MAPK8: variants seen among roughly 807,000 people sequenced by gnomAD.
The protein encoded by MAPK8 is mitogen-activated protein kinase 8.
A neutral mutation model predicts 52.9 loss-of-function variants in MAPK8; 13 were observed. The ratio of observed to expected loss-of-function variants is 0.25; its 90% confidence interval spans 0.16 to 0.39. MAPK8 has a LOEUF of 0.39. Among genes scored for constraint, MAPK8 ranks in the 10% least tolerant of loss-of-function variants. MAPK8 has a pLI of 1.00. For synonymous variants in MAPK8, 191 were observed against 169.8 expected, an observed-to-expected ratio of 1.12 and a Z score of -0.97; for missense variants, 300 against 519.2, an observed-to-expected ratio of 0.58 and a Z score of 4.10.
chr10:48,407,482 T>C (rs552867204), intron 3 of MAPK8, among the ~76,000 whole-genome samples: 1 of 152,344 alleles, frequency 6.6e-6, no homozygotes, highest in East Asian at 1.9e-4. Context: ...TTGAAGTAGT[T>C]ATATACCACT....
intron 1 of MAPK8, among the ~76,000 whole-genome samples, chr10:48,358,356 C>A (rs758428866): frequency 2.0e-4 from 30 of 152,164 alleles, no homozygotes; most frequent in Admixed American, 2.0e-4. Context: ...TATTAGTAGT[C>A]ATCATAGTGG....
chr10:48,437,635 T>C lies in MAPK8; in HGVS notation c.*2606T>C, dbSNP rs1564639570. ...TGTTGTTGGGATCACTTAGTTATAC[T>C]ATACGCAGATAGAGCATCTCAACTC... is the stretch of plus-strand genomic sequence containing the variant. On this transcript the variant is annotated 3_prime_UTR_variant, in exon 12 of 12. Transcript: ENST00000374189. 1 of 152,204 alleles carries C rather than the reference T, an allele frequency of 6.6e-6. No homozygotes were observed. Among genetic ancestry groups the C allele is most frequent in the South Asian group, 2.1e-4 (1 of 4,828 alleles). 9.4% of individuals were successfully genotyped at this position (152,204 alleles called of 1,614,324 possible).
rs111547853 is a variant in MAPK8, at chr10:48,318,962, A to C, written c.-50+12141A>C. On this transcript the variant is annotated intron_variant, in intron 1 of 11. Coordinates refer to ENST00000374189, the MANE Select transcript of MAPK8 (RefSeq NM_001323329.2). Reference sequence around the variant, plus strand: ...CACAGCAGTGTGGCAGTGAGAATTCAGAGAATAATAGATAACCAGGGAGAG... The same window carrying C: ...CACAGCAGTGTGGCAGTGAGAATTCCGAGAATAATAGATAACCAGGGAGAG... 3.5e-3 allele frequency among the ~76,000 whole-genome samples: 534 copies of C among 152,332 alleles called. 5 individuals carry two copies. The highest frequency in any genetic ancestry group is 5.5e-3 in the Non-Finnish European group (373 of 68,020).
intron 1 of MAPK8, among the ~76,000 whole-genome samples, chr10:48,366,517 A>G (rs1287197244): frequency 2.6e-5 from 4 of 152,206 alleles, no homozygotes; most frequent in Non-Finnish European, 4.4e-5. Context: ...TTATAAGGGT[A>G]TACTCCTAAG....
At position 48,382,950 on chromosome 10, in the gene MAPK8, A is replaced by ATG. The variant is rs145457029; in HGVS notation, c.-49-18660_-49-18659dup. On this transcript the variant is annotated intron_variant, in intron 1 of 11. Coordinates refer to ENST00000374189, the MANE Select transcript of MAPK8 (RefSeq NM_001323329.2). Reference sequence around the variant, plus strand: ...TATATATAGCTATGTGTATATATATATGTATATATATATAGATAGCCTGAA... The same window carrying ATG: ...TATATATAGCTATGTGTATATATATATGTGTATATATATATAGATAGCCTGAA... Among the ~76,000 whole-genome samples the ATG allele has an allele frequency of 1.2e-3, 181 of 146,604 alleles. 1 individual carries two copies. Among genetic ancestry groups the ATG allele is most frequent in the African/African-American group, 4.1e-3 (167 of 40,390 alleles).
intron 5 of MAPK8, among the ~76,000 whole-genome samples, chr10:48,412,319 G>A (rs1166736965): frequency 6.6e-6 from 1 of 152,194 alleles, no homozygotes; most frequent in African/African-American, 2.4e-5. Context: ...ATGTGTCTTA[G>A]TGCAGATCTC....
intron 1 of MAPK8, among the ~76,000 whole-genome samples, chr10:48,377,136 T>A (rs191016660): frequency 9.9e-5 from 15 of 151,882 alleles, no homozygotes; most frequent in Admixed American, 3.9e-4. Flanking sequence ...AAACACCGCA[T>A]GTTGCCACTT....
chr10:48,379,667 A>G, intron 1 of MAPK8, among the ~76,000 whole-genome samples: 1 of 152,180 alleles, frequency 6.6e-6, no homozygotes, highest in East Asian at 1.9e-4. Flanking sequence ...TCAAACAAAA[A>G]GTGATTAAAA....
chr10:48,405,015 T>TG lies in MAPK8; in HGVS notation c.252+35dup, dbSNP rs780592970. 60 of 1,475,824 alleles carry TG rather than the reference T, an allele frequency of 4.1e-5. No homozygotes were observed. The South Asian group carries it at 6.9e-4, about 17-fold the overall frequency. The allele number at this position is 1,475,824 out of a possible 1,614,324, so 91.4% of individuals were successfully genotyped here. On this transcript the variant is annotated intron_variant, in intron 3 of 11. Coordinates refer to ENST00000374189, the MANE Select transcript of MAPK8 (RefSeq NM_001323329.2). ...ACATTTTTGGTTTCCTAAGTATAGA[T>TG]GAAATCAAGATTTATTCATGAATAT... is the stretch of plus-strand genomic sequence containing the variant.
chr10:48,348,552 T>G (rs1449215481), intron 1 of MAPK8, among the ~76,000 whole-genome samples: 1 of 152,158 alleles, frequency 6.6e-6, no homozygotes, highest in Non-Finnish European at 1.5e-5. Context: ...CCATCCTGAG[T>G]TAATTTTTGT....
At chr10:48,412,045 C>G (rs996805248) in intron 5 of MAPK8, among the ~76,000 whole-genome samples, 1 of 152,166 alleles carries the variant, frequency 6.6e-6, no homozygotes, top group Admixed American at 6.5e-5. Context: ...AGAGTTTCAC[C>G]ATGTTGGTCA....
At chr10:48,364,714 C>T (rs1273071853) in intron 1 of MAPK8, among the ~76,000 whole-genome samples, 1 of 151,896 alleles carries the variant, frequency 6.6e-6, no homozygotes, top group East Asian at 1.9e-4. Flanking sequence ...TTTTTTTGCC[C>T]AAGAGAAAAT....
At chr10:48,367,775 A>C (rs1848189056) in intron 1 of MAPK8, among the ~76,000 whole-genome samples, 1 of 152,202 alleles carries the variant, frequency 6.6e-6, no homozygotes, top group Non-Finnish European at 1.5e-5. Context: ...AAATTCAACG[A>C]AAGATACCAT....
intron 1 of MAPK8, among the ~76,000 whole-genome samples, chr10:48,345,432 C>T (rs1845674042): frequency 6.6e-6 from 1 of 152,124 alleles, no homozygotes; most frequent in African/African-American, 2.4e-5. Context: ...CTTGTAGAGT[C>T]ATAAAGAGGC....
chr10:48,307,052 G>GCCCGCCTGCCGCCGCGAGC (rs1277996757), intron 1 of MAPK8: 2 of 151,774 alleles, frequency 1.3e-5, no homozygotes, highest in African/African-American at 2.4e-5. Flanking sequence ...CTGCCCGCCA[G>GCCCGCCTGCCGCCGCGAGC]CCCGCCTGCC....
intron 1 of MAPK8, among the ~76,000 whole-genome samples, chr10:48,389,362 A>G (rs980835981): frequency 1.3e-5 from 2 of 152,184 alleles, no homozygotes; most frequent in African/African-American, 4.8e-5. Flanking sequence ...CATAGTGCTC[A>G]CTATGAGCAC....
chr10:48,425,857 T>C (rs754728663), intron 7 of MAPK8, 31 bp from the exon 8 acceptor site: 1 of 659,396 alleles, frequency 1.5e-6, no homozygotes, highest in South Asian at 2.0e-5. Context: ...ACATTAGTTA[T>C]GGAGTATTTT....
intron 1 of MAPK8, among the ~76,000 whole-genome samples, chr10:48,307,344 C>T (rs919591209): frequency 1.3e-5 from 2 of 152,202 alleles, no homozygotes; most frequent in African/African-American, 2.4e-5. Context: ...TCTGGGCGAA[C>T]GCAGGCAGCA....
At chr10:48,401,518 C>T in intron 1 of MAPK8, 94 bp from the exon 2 acceptor site, 1 of 694,058 alleles carries the variant, frequency 1.4e-6, no homozygotes. Context: ...ATCTAGCAGT[C>T]TGTGTTACTA....
Sources: gnomAD v4.1 joint callset for allele counts (sites outside exome capture counted in the v4.1 genomes callset) on GRCh38, gnomAD v4.1.1 for gene constraint, MANE v1.5 for transcripts, NCBI Gene and HGNC (gene_info 2026-07-23, HGNC 2026-07-21) for gene names.